Variants in FMN2 observed in about 807,000 individuals in gnomAD.
The protein encoded by FMN2 is formin-2.
Under a neutral mutation model 142.3 loss-of-function variants are expected in FMN2, and 51 were observed. That is an observed-to-expected ratio of 0.36 (90% CI 0.29 to 0.45). The LOEUF (loss-of-function observed/expected upper bound fraction) is 0.45, where lower values mean the gene tolerates loss of function less well. Ranked by LOEUF, FMN2 falls within the 20% of genes least tolerant of loss-of-function variation. The pLI, the probability that FMN2 is intolerant of heterozygous loss-of-function variation, is 1.00. For missense variants in FMN2, 1,936 were observed against 2,122.8 expected, an observed-to-expected ratio of 0.91 and a Z score of 1.73; for synonymous variants, 882 against 869.8, an observed-to-expected ratio of 1.01 and a Z score of -0.25.
rs1171571468 is a variant in FMN2, at chr1:240,091,955, G to T, written c.-155G>T. On this transcript the variant is annotated 5_prime_UTR_variant, in exon 1 of 18. Coordinates refer to ENST00000319653, the MANE Select transcript of FMN2 (RefSeq NM_020066.5). ...TGCAAAGCGGCGGCAGATGCGAGCG[G>T]GGCCAGCCGGGCGCGCGTCGGCCTC... 2.0e-5 allele frequency: 26 copies of T among 1,275,664 alleles called. No homozygotes were observed. Among genetic ancestry groups the T allele is most frequent in the Non-Finnish European group, 2.5e-5 (25 of 984,242 alleles). 79.0% of individuals were successfully genotyped at this position (1,275,664 alleles called of 1,614,324 possible).
chr1:240,234,181 C>T lies in FMN2; in HGVS notation c.4065+22946C>T, dbSNP rs989031329. On this transcript the variant is annotated intron_variant, in intron 6 of 17. Transcript: ENST00000319653. Reference sequence around the variant, plus strand: ...AGCTGGTTTTTCTAGGGGGACAAAGCGGAAAAGAAAAAGAGGCAGAAAAAA... The same window carrying T: ...AGCTGGTTTTTCTAGGGGGACAAAGTGGAAAAGAAAAAGAGGCAGAAAAAA... Among the ~76,000 whole-genome samples, 14 of 151,808 alleles carry T rather than the reference C, an allele frequency of 9.2e-5. No homozygotes were observed. In the East Asian group the frequency reaches 2.1e-3, roughly 23 times the overall value.
intron 2 of FMN2, among the ~76,000 whole-genome samples, chr1:240,172,459 C>A (rs911619392): frequency 5.9e-5 from 9 of 152,094 alleles, no homozygotes; most frequent in Non-Finnish European, 5.9e-5. Context: ...CTATTGTAAT[C>A]AAACATAGAT....
intron 13 of FMN2, among the ~76,000 whole-genome samples, chr1:240,341,785 C>T (rs1019558114): frequency 1.3e-5 from 2 of 152,204 alleles, no homozygotes. Flanking sequence ...AGAGCTCCTG[C>T]CCTGTGGGCA....
intron 15 of FMN2, among the ~76,000 whole-genome samples, chr1:240,397,293 A>G (rs2103104636): frequency 6.6e-6 from 1 of 152,076 alleles, no homozygotes; most frequent in Non-Finnish European, 1.5e-5. Flanking sequence ...CTATTTTTTA[A>G]TTGGATTGTT....
chr1:240,178,447 C>CTT (rs563401571), intron 3 of FMN2, among the ~76,000 whole-genome samples: 9 of 91,444 alleles, frequency 9.8e-5, no homozygotes, highest in East Asian at 3.2e-4. Context: ...TCTTCTTCTT[C>CTT]TTTTTTTTTT....
intron 15 of FMN2, among the ~76,000 whole-genome samples, chr1:240,417,625 T>C (rs993465257): frequency 6.6e-6 from 1 of 150,730 alleles, no homozygotes; most frequent in Admixed American, 6.6e-5. Flanking sequence ...CATTTTCTTT[T>C]ACGTGAGTCC....
intron 2 of FMN2, chr1:240,171,016 C>A: frequency 1.1e-6 from 1 of 884,076 alleles, no homozygotes; most frequent in Non-Finnish European, 1.9e-6. Context: ...TGAGGCATGT[C>A]AGCAGGGCTG....
At chr1:240,183,658 TGA>T (rs2103334932) in intron 3 of FMN2, among the ~76,000 whole-genome samples, 1 of 152,004 alleles carries the variant, frequency 6.6e-6, no homozygotes. Context: ...TTGTTGACAA[TGA>T]GAGGCAGAGC....
intron 7 of FMN2, among the ~76,000 whole-genome samples, chr1:240,280,446 T>C (rs1336578272): frequency 6.6e-6 from 1 of 152,172 alleles, no homozygotes; most frequent in African/African-American, 2.4e-5. Flanking sequence ...TGGAGCAATA[T>C]ATATGCTTAC....
chr1:240,211,360 A>G (rs890668390), intron 6 of FMN2, 125 bp downstream of exon 6: 3 of 885,632 alleles, frequency 3.4e-6, no homozygotes, highest in Non-Finnish European at 5.3e-6. Flanking sequence ...GCAGACAGCA[A>G]GGGTTAGAAC....
At chr1:240,095,817 C>T (rs1394905718) in intron 1 of FMN2, among the ~76,000 whole-genome samples, 1 of 152,074 alleles carries the variant, frequency 6.6e-6, no homozygotes, top group African/African-American at 2.4e-5. Context: ...ATTTGGGACT[C>T]TTAAAAGAGT....
At chr1:240,304,819 G>T (rs1670324266) in intron 8 of FMN2, among the ~76,000 whole-genome samples, 1 of 152,218 alleles carries the variant, frequency 6.6e-6, no homozygotes, top group South Asian at 2.1e-4. Context: ...GTGCACAGCT[G>T]CCTGCCACAG....
chr1:240,291,807 C>A (rs547643094), intron 7 of FMN2, among the ~76,000 whole-genome samples: 104 of 152,096 alleles, frequency 6.8e-4, no homozygotes, highest in Admixed American at 1.2e-3. Context: ...ACTCGTTTAA[C>A]CTTGGGCTTC....
At chr1:240,173,530 C>T (rs1217090030) in intron 2 of FMN2, among the ~76,000 whole-genome samples, 1 of 152,000 alleles carries the variant, frequency 6.6e-6, no homozygotes, top group Non-Finnish European at 1.5e-5. Context: ...TGATTAGACT[C>T]CTTGAGTGGG....
intron 14 of FMN2, among the ~76,000 whole-genome samples, chr1:240,360,311 C>T (rs976468153): frequency 1.3e-5 from 2 of 152,206 alleles, no homozygotes; most frequent in African/African-American, 2.4e-5. Context: ...CCCACACTTA[C>T]CCACCATCAC....
intron 13 of FMN2, among the ~76,000 whole-genome samples, chr1:240,346,425 A>G (rs1671909904): frequency 6.6e-6 from 1 of 152,046 alleles, no homozygotes; most frequent in Non-Finnish European, 1.5e-5. Flanking sequence ...GACTGTGCTT[A>G]ACCATTGGTA....
chr1:240,123,303 A>G lies in FMN2; in HGVS notation c.1740A>G (p.Glu580=). Residue 580 remains glutamate (E), a synonymous_variant, in exon 2 of 18, where the codon GAA becomes GAG. Coordinates refer to ENST00000319653, the MANE Select transcript of FMN2 (RefSeq NM_020066.5). ...LLLPFSDCFR[E]PCNQNAQTNA... ...TTCCTTTTAGTGATTGCTTCAGGGA[A>G]CCGTGTAATCAGAATGCCCAGACGA... 6.2e-7 allele frequency: 1 copy of G among 1,614,084 alleles called. No homozygotes were observed. Among genetic ancestry groups the G allele is most frequent in the Non-Finnish European group, 8.5e-7 (1 of 1,180,012 alleles).
intron 15 of FMN2, among the ~76,000 whole-genome samples, chr1:240,426,636 C>A (rs1454300631): frequency 6.6e-6 from 1 of 152,174 alleles, no homozygotes; most frequent in Non-Finnish European, 1.5e-5. Flanking sequence ...TATAACCCTA[C>A]CCGCTTGCCT....
At chr1:240,114,661 T>G in intron 1 of FMN2, among the ~76,000 whole-genome samples, 1 of 149,964 alleles carries the variant, frequency 6.7e-6, no homozygotes, top group Non-Finnish European at 1.5e-5. Context: ...CATTTCTTTT[T>G]TTTTTTTTTT....
Sources: allele counts gnomAD v4.1 joint callset (sites outside exome capture counted in the v4.1 genomes callset), GRCh38; gene constraint gnomAD v4.1.1; transcripts MANE v1.5; gene names NCBI Gene and HGNC (gene_info 2026-07-23, HGNC 2026-07-21).